Variants in PDE1C observed in about 807,000 individuals in gnomAD.
PDE1C encodes the protein dual specificity calcium/calmodulin-dependent 3',5'-cyclic nucleotide phosphodiesterase 1C.
PDE1C carries 62 observed loss-of-function variants against 93.1 expected under a neutral mutation model. The ratio of observed to expected loss-of-function variants is 0.67; its 90% CI spans 0.54 to 0.82. PDE1C has a LOEUF of 0.82. PDE1C is among the 40% of genes least tolerant of loss of function. The pLI is 0.00. For synonymous variants in PDE1C, 325 were observed against 310.1 expected (o/e 1.05, Z -0.50); for missense variants, 742 against 884.6 (o/e 0.84, Z 2.04).
At chr7:32,289,480 A>G (rs751265207) in intron 1 of PDE1C, among the ~76,000 whole-genome samples, 8 of 152,210 alleles carry the variant, frequency 5.3e-5, no homozygotes, top group African/African-American at 2.4e-5. Flanking sequence ...ATCAATTCAC[A>G]TTTTGTTTTG....
intron 2 of PDE1C, among the ~76,000 whole-genome samples, chr7:31,888,689 T>A (rs990579573): frequency 3.3e-5 from 5 of 152,172 alleles, no homozygotes; most frequent in African/African-American, 1.2e-4. Flanking sequence ...TTAATAATTC[T>A]GTATCAGAAT....
chr7:32,086,069 T>C (rs1584734012), intron 3 of PDE1C, among the ~76,000 whole-genome samples: 1 of 151,540 alleles, frequency 6.6e-6, no homozygotes, highest in East Asian at 1.9e-4. Flanking sequence ...AAATTGTCCC[T>C]GTTTGCAGAT....
At chr7:32,317,538 C>G (rs1783200398) in intron 1 of PDE1C, among the ~76,000 whole-genome samples, 1 of 147,468 alleles carries the variant, frequency 6.8e-6, no homozygotes, top group Non-Finnish European at 1.5e-5. Context: ...ATAACATTGT[C>G]TTTTTTTTTT....
At chr7:31,636,588 GC>G in the PDE1C span, among the ~76,000 whole-genome samples, 4 of 152,074 alleles carry the variant, frequency 2.6e-5, no homozygotes, top group Non-Finnish European at 5.9e-5. Context: ...TTCCCCTAAT[GC>G]CTATATAGTC....
intron 2 of PDE1C, among the ~76,000 whole-genome samples, chr7:31,991,889 G>A (rs920828661): frequency 6.6e-6 from 1 of 152,152 alleles, no homozygotes; most frequent in Non-Finnish European, 1.5e-5. Flanking sequence ...CAAAAATTCT[G>A]GCACACCAAT....
chr7:31,794,049 CA>C (rs1562807653), intron 16 of PDE1C, among the ~76,000 whole-genome samples: 27 of 127,340 alleles, frequency 2.1e-4, no homozygotes, highest in African/African-American at 3.0e-4. Context: ...GATAGACAGA[CA>C]GACAGACAGA....
intron 2 of PDE1C, among the ~76,000 whole-genome samples, chr7:32,017,870 A>G (rs899293398): frequency 1.3e-5 from 2 of 151,726 alleles, no homozygotes; most frequent in East Asian, 1.9e-4. Flanking sequence ...CTTGAGTCCA[A>G]GAGTTTGAAA....
In PDE1C at chr7:31,753,381, G is replaced by A. The variant is rs374642281; in HGVS notation, c.*3C>T. 6.0e-5 allele frequency: 96 copies of A among 1,610,250 alleles called. No homozygotes were observed. Among genetic ancestry groups the A allele is most frequent in the Middle Eastern group, 3.3e-4 (2 of 6,062 alleles). On this transcript the variant is annotated 3_prime_UTR_variant, in exon 18 of 18. Transcript: ENST00000396191. The stretch of plus-strand genomic sequence containing the variant: ...CTTCACTCCCTCTCTTCTTCCCCTC[G>A]GCCTATTTTCTGTTCCAGTTATGTG...
At chr7:32,232,193 T>A (rs1392635599) in intron 1 of PDE1C, among the ~76,000 whole-genome samples, 1 of 152,120 alleles carries the variant, frequency 6.6e-6, no homozygotes, top group African/African-American at 2.4e-5. Context: ...AATTTTCCAT[T>A]TTTTCCTGTC....
At chr7:31,856,256 T>G (rs1794003225) in intron 7 of PDE1C, among the ~76,000 whole-genome samples, 1 of 152,202 alleles carries the variant, frequency 6.6e-6, no homozygotes, top group Non-Finnish European at 1.5e-5. Context: ...TTCATCAGAA[T>G]GCTCCCCACT....
At chr7:31,970,274 A>C (rs182754527) in intron 2 of PDE1C, among the ~76,000 whole-genome samples, 1 of 152,330 alleles carries the variant, frequency 6.6e-6, no homozygotes, top group East Asian at 1.9e-4. Context: ...GCCAATATAA[A>C]CACAGATGCT....
At chr7:31,895,270 C>T (rs1023785932) in intron 2 of PDE1C, among the ~76,000 whole-genome samples, 1 of 152,148 alleles carries the variant, frequency 6.6e-6, no homozygotes, top group African/African-American at 2.4e-5. Context: ...ACAGCCAGAC[C>T]TCAGCTGGAT....
the PDE1C span, among the ~76,000 whole-genome samples, chr7:31,739,002 C>T: frequency 1.4e-5 from 2 of 144,776 alleles, no homozygotes; most frequent in Non-Finnish European, 3.0e-5. Flanking sequence ...TTCCCCCACA[C>T]CCCTGCCCCC....
intron 2 of PDE1C, among the ~76,000 whole-genome samples, chr7:31,913,620 G>A (rs1801526044): frequency 6.6e-6 from 1 of 152,274 alleles, no homozygotes; most frequent in Non-Finnish European, 1.5e-5. Context: ...GTGGTGGGGT[G>A]ATTTCATCAT....
intron 3 of PDE1C, among the ~76,000 whole-genome samples, chr7:32,156,229 T>C (rs1366509451): frequency 6.6e-6 from 1 of 152,204 alleles, no homozygotes. Context: ...TATCAACCCA[T>C]CACCTAGGTA....
At chr7:32,405,667 C>T (rs917376286) in intron 1 of PDE1C, among the ~76,000 whole-genome samples, 11 of 152,166 alleles carry the variant, frequency 7.2e-5, no homozygotes, top group Admixed American at 5.2e-4. Context: ...GAGGCTGAGG[C>T]CTTGTGTCCT....
chr7:31,780,643 T>G (rs1783333318), intron 16 of PDE1C, among the ~76,000 whole-genome samples: 1 of 152,206 alleles, frequency 6.6e-6, no homozygotes, highest in Non-Finnish European at 1.5e-5. Flanking sequence ...TCTATGAAAT[T>G]GAGAAAACAT....
intron 1 of PDE1C, among the ~76,000 whole-genome samples, chr7:32,294,747 C>T (rs1446332448): frequency 6.6e-6 from 1 of 152,162 alleles, no homozygotes; most frequent in African/African-American, 2.4e-5. Flanking sequence ...GGTACTGCAC[C>T]TACGCATCCC....
At chr7:32,399,306 A>T (rs1401300280) in intron 1 of PDE1C, among the ~76,000 whole-genome samples, 1 of 152,232 alleles carries the variant, frequency 6.6e-6, no homozygotes, top group Non-Finnish European at 1.5e-5. Context: ...GGGATCCTGT[A>T]CTGGTCAGAC....
Sources: allele counts gnomAD v4.1 joint callset (sites outside exome capture counted in the v4.1 genomes callset), GRCh38; gene constraint gnomAD v4.1.1; transcripts MANE v1.5; gene names NCBI Gene and HGNC (gene_info 2026-07-23, HGNC 2026-07-21).